The following CSMD1 variants were observed in gnomAD, a reference collection of about 807,000 sequenced individuals.
CSMD1 encodes CUB and sushi domain-containing protein 1.
In CSMD1, 213 loss-of-function variants were observed where a neutral mutation model predicts 417.5. That is an observed-to-expected ratio of 0.51 (90% CI 0.46 to 0.57). The LOEUF is 0.57. CSMD1 is among the 20% of genes least tolerant of loss of function. The pLI, the probability that CSMD1 is intolerant of heterozygous loss-of-function variation, is 0.00. For missense variants in CSMD1, 6,923 were observed against 4,529.7 expected (o/e 1.53, Z -15.17); for synonymous variants, 2,862 against 1,736.8 (o/e 1.65, Z -16.11).
At chr8:4,122,796 A>T (rs1802560122) in intron 3 of CSMD1, among the ~76,000 whole-genome samples, 1 of 152,158 alleles carries the variant, frequency 6.6e-6, no homozygotes, top group Non-Finnish European at 1.5e-5. Context: ...CTTCCATCAA[A>T]AAAACAAATG....
chr8:3,450,599 A>G (rs1390302494), intron 12 of CSMD1, among the ~76,000 whole-genome samples: 1 of 152,036 alleles, frequency 6.6e-6, no homozygotes, highest in East Asian at 1.9e-4. Context: ...TTTCCTGAGA[A>G]TCATGGTTTC....
At chr8:4,301,108 G>A (rs1371015122) in intron 3 of CSMD1, among the ~76,000 whole-genome samples, 2 of 152,152 alleles carry the variant, frequency 1.3e-5, no homozygotes, top group African/African-American at 2.4e-5. Context: ...TGAAACTCTT[G>A]CAAAATTGCC....
At chr8:3,971,468 G>C (rs1294662700) in intron 5 of CSMD1, among the ~76,000 whole-genome samples, 51 of 152,196 alleles carry the variant, frequency 3.4e-4, no homozygotes, top group Admixed American at 3.1e-3. Context: ...GCAATTGCAA[G>C]TTGACAACTT....
chr8:4,765,484 G>A lies in CSMD1; in HGVS notation c.86-127926C>T, dbSNP rs573372788. 2.6e-5 allele frequency among the ~76,000 whole-genome samples: 4 copies of A among 152,320 alleles called. No homozygotes were observed. The South Asian group carries it at 8.3e-4, about 32-fold the overall frequency. ...CAGTTCAGTTCAAAAAGTGTTTGCA[G>A]ATGCCTATTTAGTTTAAAATTATAC... On this transcript the variant is annotated intron_variant, in intron 1 of 69. Coordinates refer to ENST00000635120, the MANE Select transcript of CSMD1 (RefSeq NM_033225.6).
intron 1 of CSMD1, among the ~76,000 whole-genome samples, chr8:4,790,002 G>T (rs185280776): frequency 9.2e-5 from 14 of 152,240 alleles, no homozygotes; most frequent in East Asian, 7.7e-4. Flanking sequence ...CTCAATGGAG[G>T]CCAAGTTATA....
chr8:3,984,557 A>AT (rs1554507349), intron 5 of CSMD1, among the ~76,000 whole-genome samples: 1 of 151,538 alleles, frequency 6.6e-6, no homozygotes, highest in Admixed American at 6.6e-5. Flanking sequence ...TATATTAAAA[A>AT]ATATATATAT....
chr8:4,478,268 C>G (rs1800906896), intron 2 of CSMD1, among the ~76,000 whole-genome samples: 1 of 152,108 alleles, frequency 6.6e-6, no homozygotes, highest in Admixed American at 6.5e-5. Context: ...CCAATTTGCT[C>G]CTAAGGTTGA....
chr8:3,773,727 G>T (rs1262950586), intron 5 of CSMD1, among the ~76,000 whole-genome samples: 2 of 152,162 alleles, frequency 1.3e-5, no homozygotes, highest in African/African-American at 2.4e-5. Flanking sequence ...TGATGATGAG[G>T]AGGGCAAGCA....
At position 3,764,447 on chromosome 8, in the gene CSMD1, G is replaced by A. The variant is rs1258207861; in HGVS notation, c.819-10405C>T. Among the ~76,000 whole-genome samples, 5 of 152,284 alleles carry A rather than the reference G, an allele frequency of 3.3e-5. No homozygotes were observed. The East Asian group carries it at 9.7e-4, about 29-fold the overall frequency. On this transcript the variant is annotated intron_variant, in intron 5 of 69. Coordinates refer to ENST00000635120, the MANE Select transcript of CSMD1 (RefSeq NM_033225.6). ...AGTGTGAGACACCTTACTGGGCCCT[G>A]AAGACATGCGTGTGAGTGAGTAGAG...
At chr8:3,056,784 G>A (rs970831668) in intron 49 of CSMD1, among the ~76,000 whole-genome samples, 4 of 151,918 alleles carry the variant, frequency 2.6e-5, no homozygotes, top group African/African-American at 9.7e-5. Context: ...ACATATGAAT[G>A]TTAGGATTTT....
intron 10 of CSMD1, among the ~76,000 whole-genome samples, chr8:3,529,337 T>C (rs914535439): frequency 3.3e-5 from 5 of 152,132 alleles, no homozygotes; most frequent in African/African-American, 1.2e-4. Context: ...GCCAACACAC[T>C]TAAGTGTACT....
intron 2 of CSMD1, among the ~76,000 whole-genome samples, chr8:4,613,818 C>G (rs1037076785): frequency 3.0e-5 from 4 of 131,162 alleles, no homozygotes; most frequent in African/African-American, 1.2e-4. Flanking sequence ...GGAAATGGTT[C>G]AATGATGGTG....
intron 3 of CSMD1, among the ~76,000 whole-genome samples, chr8:4,078,015 C>A (rs1453565756): frequency 6.6e-6 from 1 of 151,972 alleles, no homozygotes; most frequent in African/African-American, 2.4e-5. Context: ...AAAAAAATAG[C>A]GCTATTTCAA....
intron 4 of CSMD1, among the ~76,000 whole-genome samples, chr8:4,027,435 G>A (rs977310398): frequency 2.0e-5 from 3 of 152,140 alleles, no homozygotes; most frequent in East Asian, 3.9e-4. Context: ...AGATCATGGG[G>A]GTGGGTCCTC....
At chr8:4,513,770 A>G (rs1214862708) in intron 2 of CSMD1, among the ~76,000 whole-genome samples, 4 of 152,220 alleles carry the variant, frequency 2.6e-5, no homozygotes, top group Non-Finnish European at 5.9e-5. Context: ...TTCGATGAAA[A>G]TAATTATTCC....
chr8:3,228,146 A>C (rs1307544010), intron 27 of CSMD1, among the ~76,000 whole-genome samples: 1 of 152,252 alleles, frequency 6.6e-6, no homozygotes, highest in African/African-American at 2.4e-5. Flanking sequence ...AATTGTCTCC[A>C]GGTAAAAAGA....
chr8:3,113,986 G>C (rs568855287), intron 42 of CSMD1, among the ~76,000 whole-genome samples: 1 of 152,300 alleles, frequency 6.6e-6, no homozygotes, highest in Admixed American at 6.5e-5. Flanking sequence ...GGTAGGCTTA[G>C]GGAGGAGGAT....
At chr8:4,013,340 G>C (rs754999766) in intron 4 of CSMD1, among the ~76,000 whole-genome samples, 7 of 152,210 alleles carry the variant, frequency 4.6e-5, no homozygotes, top group Middle Eastern at 3.4e-3. Flanking sequence ...TTGTCTCAAG[G>C]CCAAACACCT....
rs555983431 is a variant in CSMD1, at chr8:4,152,847, T to C, written c.416-120748A>G. Among the ~76,000 whole-genome samples the C allele has an allele frequency of 8.9e-4, 136 of 152,312 alleles. 1 individual carries two copies. The highest frequency in any genetic ancestry group is 2.9e-3 in the African/African-American group (121 of 41,570). On this transcript the variant is annotated intron_variant, in intron 3 of 69. Coordinates refer to ENST00000635120, the MANE Select transcript of CSMD1 (RefSeq NM_033225.6). ...AGAGTAGGGAATGTATGTATGTGCA[T>C]GTGTATTTATGGAGAAATGAGAAAT...
Sources: allele counts gnomAD v4.1 joint callset (sites outside exome capture counted in the v4.1 genomes callset), GRCh38; gene constraint gnomAD v4.1.1; transcripts MANE v1.5; gene names NCBI Gene and HGNC (gene_info 2026-07-23, HGNC 2026-07-21).